The following C5orf34 variants were observed in gnomAD, a reference collection of about 807,000 sequenced individuals.
The protein encoded by C5orf34 is chromosome 5 open reading frame 34, also known as uncharacterized protein C5orf34.
Under a neutral mutation model 78.4 loss-of-function variants are expected in C5orf34, and 73 were observed. The observed-to-expected ratio is 0.93, with a 90% CI of 0.77 to 1.13. C5orf34 has a LOEUF of 1.13. C5orf34 is among the 50% of genes most tolerant of loss of function. The probability of loss-of-function intolerance (pLI) is 0.00; values close to 1 mark genes in which losing one functional copy is unlikely to be tolerated. For synonymous variants in C5orf34, 251 were observed against 246.6 expected (o/e 1.02, Z -0.17); for missense variants, 730 against 732.7 (o/e 1.00, Z 0.04).
intron 6 of C5orf34, among the ~76,000 whole-genome samples, chr5:43,499,883 T>A (rs1447615372): frequency 6.6e-6 from 1 of 152,172 alleles, no homozygotes; most frequent in Admixed American, 6.5e-5. Flanking sequence ...TAATGAACAT[T>A]TATTTAGGTT....
chr5:43,491,198 A>G (rs1247595335), intron 10 of C5orf34, among the ~76,000 whole-genome samples: 2 of 152,222 alleles, frequency 1.3e-5, no homozygotes, highest in Non-Finnish European at 2.9e-5. Flanking sequence ...AACTTACTAC[A>G]TATCTAAAAC....
At chr5:43,514,669 G>C (rs1276499707) in intron 1 of C5orf34, 137 bp downstream of exon 1, 1 of 152,054 alleles carries the variant, frequency 6.6e-6, no homozygotes, top group African/African-American at 2.4e-5. Context: ...AGCACATTAC[G>C]TCAGGGTATG....
At chr5:43,499,719 T>C (rs534532049) in intron 6 of C5orf34, among the ~76,000 whole-genome samples, 1 of 152,318 alleles carries the variant, frequency 6.6e-6, no homozygotes, top group South Asian at 2.1e-4. Flanking sequence ...ATTGTACGTG[T>C]TCTAACGCAA....
intron 12 of C5orf34, among the ~76,000 whole-genome samples, chr5:43,487,316 T>C (rs1165980725): frequency 1.3e-5 from 2 of 152,028 alleles, no homozygotes; most frequent in African/African-American, 4.8e-5. Context: ...GGAAAGAGAA[T>C]AGAGTGTGTA....
chr5:43,512,721 TTAACA>T (rs1364896593), intron 1 of C5orf34, among the ~76,000 whole-genome samples: 2 of 150,206 alleles, frequency 1.3e-5, no homozygotes, highest in African/African-American at 2.5e-5. Flanking sequence ...TCATCCCTTC[TTAACA>T]TAACACTGAT....
intron 1 of C5orf34, among the ~76,000 whole-genome samples, chr5:43,513,273 C>G (rs1003855454): frequency 2.6e-5 from 4 of 152,162 alleles, no homozygotes; most frequent in Non-Finnish European, 4.4e-5. Flanking sequence ...TCTCACAGAG[C>G]TTTCAGGTGG....
At position 43,508,577 on chromosome 5, in the gene C5orf34, CT is replaced by C; in HGVS notation, c.284del (p.Lys95SerfsTer7). 1 of 1,566,226 alleles carries C rather than the reference CT, an allele frequency of 6.4e-7. No homozygotes were observed. ...SETIIPSERK[K>X]HIFIDITEVR... ...ACAAAAATGAAGTTAAAAAAATCAC[CT>C]TTTTTCTTTCAGAAGGTATGATGGT... On this transcript the variant is annotated frameshift_variant and splice_region_variant, in exon 3 of 13. Transcript: ENST00000306862. LOFTEE classifies it high-confidence loss of function.
chr5:43,487,991 C>A (rs1745130400), intron 11 of C5orf34, 42 bp from the exon 12 acceptor site: 2 of 1,509,794 alleles, frequency 1.3e-6, no homozygotes. Context: ...TTGTCTGATT[C>A]TTTTGTATTC....
At chr5:43,494,465 G>T in intron 7 of C5orf34, 45 bp downstream of exon 7, 2 of 1,281,184 alleles carry the variant, frequency 1.6e-6, no homozygotes, top group Non-Finnish European at 2.2e-6. Context: ...GTGCCAAGAT[G>T]TTTAGACACA....
At chr5:43,498,146 T>C (rs1474658846) in intron 6 of C5orf34, among the ~76,000 whole-genome samples, 1 of 152,238 alleles carries the variant, frequency 6.6e-6, no homozygotes, top group Non-Finnish European at 1.5e-5. Context: ...AGAATGCAGC[T>C]CCATGAAGGA....
chr5:43,495,630 C>T lies in C5orf34; in HGVS notation c.1153-1029G>A, dbSNP rs1339681678. 81 of 1,602,144 alleles carry T rather than the reference C, an allele frequency of 5.1e-5. No individual in the cohort carries two copies. In the East Asian group the frequency reaches 1.5e-3, roughly 30 times the overall value. On this transcript the variant is annotated intron_variant, in intron 6 of 12. Transcript: ENST00000306862. ...ATGTTGACTGGAGCAAAGGTGACCA[C>T]CACACCAGGTTTGAGAACACCAGTC...
intron 6 of C5orf34, 136 bp downstream of exon 6, chr5:43,502,236 A>T (rs1199878799): frequency 2.4e-6 from 2 of 829,716 alleles, no homozygotes; most frequent in Non-Finnish European, 3.9e-6. Context: ...GCTGGCAGTA[A>T]GATTATATTA....
Position 43,504,740 on chromosome 5 carries a change from C to A in C5orf34, c.933-980G>T, listed in dbSNP as rs147675782. ...AGGAAGGGACCAGGTCACAAAAGACCTGGTAAGCTATGTGAAGGATCATGG... is the reference window on the plus strand; with the variant it reads ...AGGAAGGGACCAGGTCACAAAAGACATGGTAAGCTATGTGAAGGATCATGG... On this transcript the variant is annotated intron_variant, in intron 4 of 12. Transcript: ENST00000306862. 1.7e-3 allele frequency among the ~76,000 whole-genome samples: 253 copies of A among 152,290 alleles called. 3 individuals carry two copies. Among genetic ancestry groups the A allele is most frequent in the African/African-American group, 5.8e-3 (241 of 41,550 alleles).
At chr5:43,500,840 A>G (rs1397821917) in intron 6 of C5orf34, among the ~76,000 whole-genome samples, 1 of 152,184 alleles carries the variant, frequency 6.6e-6, no homozygotes, top group Non-Finnish European at 1.5e-5. Flanking sequence ...TTCTTCTAAC[A>G]CTTATAAAGT....
At position 43,506,048 on chromosome 5, in the gene C5orf34, T is replaced by A. The variant is rs957463258; in HGVS notation, c.632A>T (p.Lys211Met). The A allele has an allele frequency of 1.9e-6, 3 of 1,614,086 alleles. No homozygotes were observed. Among genetic ancestry groups the A allele is most frequent in the African/African-American group, 2.7e-5 (2 of 74,932 alleles). Residue 211 changes from lysine (K) to methionine (M), a missense_variant, in exon 4 of 13, where the codon AAG becomes ATG. Physicochemically the swap from Lys to Met is moderately conservative, Grantham distance 95. Transcript: ENST00000306862. ...QIMKSKETLKKMSCVNGTEGR... is the reference protein window; with the variant it reads ...QIMKSKETLKMMSCVNGTEGR... ...TTCAGTTCCATTTACACAACTCATCTTCTTTAAAGTTTCTTTGGATTTCAT... is the reference window on the plus strand; with the variant it reads ...TTCAGTTCCATTTACACAACTCATCATCTTTAAAGTTTCTTTGGATTTCAT...
At chr5:43,501,841 G>T (rs771201844) in intron 6 of C5orf34, among the ~76,000 whole-genome samples, 6 of 152,148 alleles carry the variant, frequency 3.9e-5, no homozygotes, top group Non-Finnish European at 5.9e-5. Context: ...ATATCAGAGG[G>T]GCAATAAGCA....
chr5:43,496,559 T>A, intron 6 of C5orf34: 6 of 777,086 alleles, frequency 7.7e-6, no homozygotes, highest in South Asian at 2.6e-5. Context: ...GAATTACTCC[T>A]ATTCATTCAA....
In C5orf34 at chr5:43,492,811, G is replaced by A; in HGVS notation, c.1394C>T (p.Ala465Val). The A allele has an allele frequency of 6.2e-7, 1 of 1,612,680 alleles. No individual in the cohort carries two copies. The highest frequency in any genetic ancestry group is 8.5e-7 in the Non-Finnish European group (1 of 1,178,952). ...AGCATGTACTTTGTCATCAGAGTAGGCAAGAAATCTTCCCACACTGGGTAT... is the reference window on the plus strand; with the variant it reads ...AGCATGTACTTTGTCATCAGAGTAGACAAGAAATCTTCCCACACTGGGTAT... ...SLIPSVGRFL[A>V]YSDDKVHAIF... Residue 465 changes from alanine (A) to valine (V), a missense_variant, in exon 9 of 13, where the codon GCC becomes GTC. By Grantham distance (64) the Ala-to-Val change is moderately conservative. Transcript: ENST00000306862.
At chr5:43,493,433 T>C (rs1745365484) in intron 8 of C5orf34, 110 bp downstream of exon 8, 1 of 674,198 alleles carries the variant, frequency 1.5e-6, no homozygotes, top group African/African-American at 1.9e-5. Context: ...ACATTAATGT[T>C]ACAAGAATTT....
Sources: allele counts gnomAD v4.1 joint callset (sites outside exome capture counted in the v4.1 genomes callset), GRCh38; gene constraint gnomAD v4.1.1; transcripts MANE v1.5; gene names NCBI Gene and HGNC (gene_info 2026-07-23, HGNC 2026-07-21).